Variants in MAML3 observed in about 807,000 individuals in gnomAD.
MAML3 encodes the protein mastermind-like protein 3.
MAML3 carries 27 observed loss-of-function variants against 101.9 expected under a neutral mutation model. That is an observed-to-expected ratio of 0.27 (90% CI 0.20 to 0.37). The LOEUF is 0.37. Ranked by LOEUF, MAML3 falls within the 10% of genes least tolerant of loss-of-function variation. The pLI is 1.00. For synonymous variants in MAML3, 501 were observed against 555.9 expected, an observed-to-expected ratio of 0.90 and a Z score of 1.39; for missense variants, 1,316 against 1,444.9, an observed-to-expected ratio of 0.91 and a Z score of 1.45.
At chr4:139,734,879 T>C (rs1323740337) in intron 2 of MAML3, among the ~76,000 whole-genome samples, 4 of 152,234 alleles carry the variant, frequency 2.6e-5, no homozygotes, top group Non-Finnish European at 5.9e-5. Flanking sequence ...GGGGACCCCG[T>C]GGATAACGGG....
chr4:139,961,480 A>G (rs1471745960), intron 1 of MAML3, among the ~76,000 whole-genome samples: 1 of 152,152 alleles, frequency 6.6e-6, no homozygotes, highest in Non-Finnish European at 1.5e-5. Context: ...AGTCAATTCC[A>G]TCATCCTGGC....
In MAML3 at chr4:139,990,380, A is replaced by C. The variant is rs574241835; in HGVS notation, c.469-99413T>G. Among the ~76,000 whole-genome samples, 1,224 of 152,034 alleles carry C rather than the reference A, an allele frequency of 8.1e-3. 12 individuals are homozygous for C. The highest frequency in any genetic ancestry group is 0.027 in the African/African-American group (1,118 of 41,390). ...TCATGCTAAAAACTCTCAATAAATT[A>C]GGTATTGATGGGACGTATCTCAAAA... On this transcript the variant is annotated intron_variant, in intron 1 of 4. Coordinates refer to ENST00000509479, the MANE Select transcript of MAML3 (RefSeq NM_018717.5).
intron 2 of MAML3, among the ~76,000 whole-genome samples, chr4:139,864,366 C>T (rs1467809761): frequency 6.6e-6 from 1 of 152,112 alleles, no homozygotes; most frequent in East Asian, 1.9e-4. Flanking sequence ...TACTTGTTGG[C>T]TTCACTTGTG....
chr4:139,893,825 C>A (rs1344334816), intron 1 of MAML3, among the ~76,000 whole-genome samples: 2 of 152,104 alleles, frequency 1.3e-5, no homozygotes, highest in Non-Finnish European at 2.9e-5. Flanking sequence ...TCAGAAAGGG[C>A]CAGTGCATGT....
At chr4:140,080,602 G>A (rs1350694624) in intron 1 of MAML3, among the ~76,000 whole-genome samples, 2 of 152,068 alleles carry the variant, frequency 1.3e-5, no homozygotes, top group South Asian at 2.1e-4. Context: ...AGTTTGCAGA[G>A]CACCTCTAAA....
intron 1 of MAML3, chr4:140,134,295 G>A (rs1053807093): frequency 4.2e-5 from 19 of 456,612 alleles, no homozygotes; most frequent in Non-Finnish European, 8.4e-5. Context: ...TTGAAAGGAT[G>A]TTCCCACACT....
chr4:139,863,465 C>T (rs952444877), intron 2 of MAML3, among the ~76,000 whole-genome samples: 3 of 151,446 alleles, frequency 2.0e-5, no homozygotes, highest in Non-Finnish European at 4.4e-5. Flanking sequence ...ATTCTCCTGC[C>T]TCAGCCTCCT....
intron 1 of MAML3, among the ~76,000 whole-genome samples, chr4:140,018,298 G>C (rs1326347089): frequency 6.6e-6 from 1 of 151,964 alleles, no homozygotes; most frequent in African/African-American, 2.4e-5. Flanking sequence ...TGTCAAAGTG[G>C]AAAATGAATG....
intron 1 of MAML3, among the ~76,000 whole-genome samples, chr4:140,013,523 A>G (rs1417892017): frequency 6.6e-6 from 1 of 152,234 alleles, no homozygotes; most frequent in Non-Finnish European, 1.5e-5. Flanking sequence ...CTTTTTCAAG[A>G]AAAAATATAC....
intron 1 of MAML3, among the ~76,000 whole-genome samples, chr4:140,070,529 G>GAA (rs1424994591): frequency 6.6e-6 from 1 of 152,186 alleles, no homozygotes; most frequent in Non-Finnish European, 1.5e-5. Context: ...AACCCACAAA[G>GAA]AAAAGGCAGA....
intron 1 of MAML3, among the ~76,000 whole-genome samples, chr4:140,113,591 C>T (rs532807909): frequency 2.0e-5 from 3 of 152,310 alleles, no homozygotes; most frequent in East Asian, 3.9e-4. Flanking sequence ...CATTCCTACT[C>T]GGTGGCCTTC....
intron 2 of MAML3, among the ~76,000 whole-genome samples, chr4:139,861,037 T>C (rs899361955): frequency 3.9e-5 from 6 of 152,138 alleles, no homozygotes; most frequent in Admixed American, 6.5e-5. Flanking sequence ...CATAAAGATA[T>C]ATACATCTGT....
chr4:139,801,639 T>C (rs1484804356), intron 2 of MAML3, among the ~76,000 whole-genome samples: 1 of 9,704 alleles, frequency 1.0e-4, no homozygotes, highest in African/African-American at 2.2e-4. Context: ...ACAGGGTGTG[T>C]GTGGGTGTGT....
At chr4:139,752,836 C>G (rs1192264574) in intron 2 of MAML3, among the ~76,000 whole-genome samples, 1 of 152,110 alleles carries the variant, frequency 6.6e-6, no homozygotes, top group Non-Finnish European at 1.5e-5. Context: ...ACATTGATAA[C>G]CATAGTTCTT....
chr4:139,719,570 C>G lies in MAML3; in HGVS notation c.3170G>C (p.Gly1057Ala). 1 of 1,613,530 alleles carries G rather than the reference C, an allele frequency of 6.2e-7. No homozygotes were observed. The highest frequency in any genetic ancestry group is 8.5e-7 in the Non-Finnish European group (1 of 1,179,728). Residue 1057 changes from glycine to alanine, a missense_variant, in exon 5 of 5, where the codon GGC becomes GCC. Gly to Ala is a moderately conservative substitution (Grantham distance 60). Transcript: ENST00000509479. Reference protein sequence around the residue: ...VMSGLSQGVPGMPAFSQPPAQ... With the variant: ...VMSGLSQGVPAMPAFSQPPAQ... The stretch of plus-strand genomic sequence containing the variant: ...TGGGGGCTGGCTGAACGCTGGCATG[C>G]CTGGGACTCCCTGGCTCAGGCCAGA...
intron 2 of MAML3, among the ~76,000 whole-genome samples, chr4:139,743,252 A>G (rs185681899): frequency 6.6e-6 from 1 of 152,356 alleles, no homozygotes; most frequent in East Asian, 1.9e-4. Context: ...GGATAACAGC[A>G]GAACAGGAGG....
chr4:140,016,194 C>G (rs1190064152), intron 1 of MAML3, among the ~76,000 whole-genome samples: 2 of 152,040 alleles, frequency 1.3e-5, no homozygotes, highest in African/African-American at 2.4e-5. Context: ...TTTACACTTA[C>G]TGAAAGATGA....
At chr4:140,076,694 T>A (rs909147724) in intron 1 of MAML3, among the ~76,000 whole-genome samples, 2 of 152,220 alleles carry the variant, frequency 1.3e-5, no homozygotes, top group Admixed American at 6.5e-5. Flanking sequence ...GTGGACACCA[T>A]CTTTCCCTGA....
intron 2 of MAML3, among the ~76,000 whole-genome samples, chr4:139,746,916 T>C (rs1729344002): frequency 6.6e-6 from 1 of 152,156 alleles, no homozygotes; most frequent in South Asian, 2.1e-4. Flanking sequence ...TGGCGTCTGC[T>C]GTCCTGGACT....
Sources: gnomAD v4.1 joint callset for allele counts (sites outside exome capture counted in the v4.1 genomes callset) on GRCh38, gnomAD v4.1.1 for gene constraint, MANE v1.5 for transcripts, NCBI Gene and HGNC (gene_info 2026-07-23, HGNC 2026-07-21) for gene names.